The following LINGO3 variants were observed in gnomAD, a reference collection of about 807,000 sequenced individuals.
The protein encoded by LINGO3 is leucine-rich repeat and immunoglobulin-like domain-containing nogo receptor-interacting protein 3.
For missense variants in LINGO3, 750 were observed against 867.7 expected (o/e 0.86, Z 1.70); for synonymous variants, 427 against 444.2 (o/e 0.96, Z 0.49).
chr19:2,301,883 G>A, the LINGO3 span, among the ~76,000 whole-genome samples: 35 of 142,128 alleles, frequency 2.5e-4, 1 homozygote, highest in East Asian at 6.8e-3. Flanking sequence ...AGCTGAGATC[G>A]CGCCACTGCA....
chr19:2,290,438 G>T lies in LINGO3; in HGVS notation c.1339C>A (p.Arg447=), dbSNP rs778292411. ...CCCGCGCTGGTGGCCGTCACCGGCC[G>T]GTGCTGGGGGGTCACCCAGGCCACG... Residue 447 remains arginine, a synonymous_variant, in exon 1 of 1, where the codon CGG becomes AGG. Transcript: ENST00000585527. The surrounding 1 kb of genome is among the most constrained non-coding windows in gnomAD (Gnocchi z 6.0). 3.6e-6 allele frequency: 5 copies of T among 1,388,444 alleles called. No homozygotes were observed. The South Asian group carries it at 4.8e-5, about 13-fold the overall frequency. 86.0% of individuals were successfully genotyped at this position (1,388,444 alleles called of 1,614,324 possible).
chr19:2,304,797 T>C, the LINGO3 span, among the ~76,000 whole-genome samples: 42 of 135,628 alleles, frequency 3.1e-4, no homozygotes, highest in Admixed American at 1.1e-3. Flanking sequence ...AACCTCTGCC[T>C]CCCAGGTTCA....
upstream of LINGO3, among the ~76,000 whole-genome samples, chr19:2,295,477 G>A (rs143652013): frequency 1.7e-3 from 255 of 152,350 alleles, 2 homozygotes; most frequent in African/African-American, 5.9e-3. Flanking sequence ...GCTCACGCCT[G>A]TCATCCCAGC....
the LINGO3 span, among the ~76,000 whole-genome samples, chr19:2,299,978 C>T: frequency 6.6e-6 from 1 of 151,102 alleles, no homozygotes; most frequent in African/African-American, 2.4e-5. Flanking sequence ...CGGCCTCGGC[C>T]TCCCAAAGTG....
At chr19:2,289,389 G>C (rs2025495163), downstream of LINGO3, among the ~76,000 whole-genome samples, 3 of 152,002 alleles carry the variant, frequency 2.0e-5, no homozygotes, top group African/African-American at 7.3e-5. Context: ...GGTGCCCCGG[G>C]TCTGGTTTTA....
chr19:2,303,651 G>A, the LINGO3 span, among the ~76,000 whole-genome samples: 4 of 152,222 alleles, frequency 2.6e-5, no homozygotes, highest in African/African-American at 7.2e-5. Flanking sequence ...GTTGGAAGGC[G>A]CGTCCAGCTC....
At chr19:2,296,556 G>A (rs1249211918), upstream of LINGO3, among the ~76,000 whole-genome samples, 2 of 151,964 alleles carry the variant, frequency 1.3e-5, no homozygotes, top group Admixed American at 6.6e-5. Context: ...TCAGCTCACT[G>A]CAACCTCCAC....
upstream of LINGO3, among the ~76,000 whole-genome samples, chr19:2,296,862 G>A (rs576657981): frequency 4.4e-4 from 67 of 150,954 alleles, 1 homozygote; most frequent in South Asian, 0.014. Flanking sequence ...GCCGAGGCGG[G>A]CAGATCACAA....
chr19:2,302,653 C>A, the LINGO3 span, among the ~76,000 whole-genome samples: 2 of 152,234 alleles, frequency 1.3e-5, no homozygotes, highest in Admixed American at 1.3e-4. Flanking sequence ...AGCTCTGCTG[C>A]CCGGTCTCGG....
chr19:2,297,079 G>A, the LINGO3 span, among the ~76,000 whole-genome samples: 239 of 151,302 alleles, frequency 1.6e-3, 4 homozygotes, highest in African/African-American at 5.5e-3. Context: ...GCGACAGAGC[G>A]AGACTCCGTC....
At chr19:2,298,602 G>A in the LINGO3 span, among the ~76,000 whole-genome samples, 1 of 148,518 alleles carries the variant, frequency 6.7e-6, no homozygotes, top group African/African-American at 2.5e-5. Context: ...GTGCAGTGGT[G>A]TGATCTCAGC....
the LINGO3 span, among the ~76,000 whole-genome samples, chr19:2,306,457 G>A: frequency 2.0e-4 from 31 of 152,188 alleles, no homozygotes; most frequent in African/African-American, 6.8e-4. Context: ...GGGAATGACA[G>A]TGCTGTGGGA....
At position 2,290,100 on chromosome 19, in the gene LINGO3, G is replaced by A. The variant is rs757484844; in HGVS notation, c.1677C>T (p.His559=). The A allele has an allele frequency of 1.9e-5, 31 of 1,602,384 alleles. No individual in the cohort carries two copies. Among genetic ancestry groups the A allele is most frequent in the Non-Finnish European group, 2.6e-5 (30 of 1,175,102 alleles). The stretch of plus-strand genomic sequence containing the variant: ...AGTACTCCACCGAGAAGTTGTTTTT[G>A]TGCTGCCCGCGGCCGCGGCTCCACA... Residue 559 remains histidine, a synonymous_variant, in exon 1 of 1, where the codon CAC becomes CAT. Transcript: ENST00000585527. This position sits in a 1 kb window ranked among gnomAD's most constrained non-coding sequence, Gnocchi z 6.0.
At chr19:2,288,648 T>C (rs913052458), downstream of LINGO3, among the ~76,000 whole-genome samples, 6 of 152,068 alleles carry the variant, frequency 3.9e-5, no homozygotes, top group Non-Finnish European at 2.9e-5. This position sits in a 1 kb window ranked among gnomAD's most constrained non-coding sequence, Gnocchi z 6.5. Context: ...TGGCTCCTTC[T>C]TGTGGACAGC....
chr19:2,291,414 G>C (rs1248155076), exon 1 of LINGO3: 1 of 1,613,504 alleles, frequency 6.2e-7, no homozygotes, highest in South Asian at 1.1e-5. Flanking sequence ...GGCGCGTGAA[G>C]ACCCCGGGCG....
the LINGO3 span, among the ~76,000 whole-genome samples, chr19:2,303,289 C>T: frequency 6.6e-6 from 1 of 152,098 alleles, no homozygotes. Context: ...AGGTGAGAAT[C>T]GTGCAGCCCA....
the LINGO3 span, among the ~76,000 whole-genome samples, chr19:2,304,710 CTTT>C: frequency 5.5e-5 from 4 of 73,252 alleles, no homozygotes; most frequent in South Asian, 6.5e-4. Context: ...CCATGTCCTG[CTTT>C]TTTTTTTTTT....
At chr19:2,301,587 G>A in the LINGO3 span, among the ~76,000 whole-genome samples, 86 of 152,204 alleles carry the variant, frequency 5.7e-4, no homozygotes, top group African/African-American at 2.0e-3. Context: ...ACCCAGAGAC[G>A]GACGGCGACG....
At chr19:2,294,075 G>A (rs926031809), upstream of LINGO3, among the ~76,000 whole-genome samples, 1 of 152,146 alleles carries the variant, frequency 6.6e-6, no homozygotes, top group Non-Finnish European at 1.5e-5. This position sits in a 1 kb window ranked among gnomAD's most constrained non-coding sequence, Gnocchi z 4.3. Context: ...GTATGTTCAC[G>A]TCCTGCCCTC....
Sources: gnomAD v4.1 joint callset for allele counts (sites outside exome capture counted in the v4.1 genomes callset) on GRCh38, gnomAD v4.1.1 for gene constraint, Gnocchi (gnomAD v3.1) non-coding constraint, MANE v1.5 for transcripts, NCBI Gene and HGNC (gene_info 2026-07-23, HGNC 2026-07-21) for gene names.